SAMD3: variants seen among roughly 807,000 people sequenced by gnomAD.
The protein encoded by SAMD3 is sterile alpha motif domain containing 3, also known as sterile alpha motif domain-containing protein 3.
A neutral mutation model predicts 58.5 loss-of-function variants in SAMD3; 63 were observed. The ratio of observed to expected loss-of-function variants is 1.08; its 90% CI spans 0.88 to 1.33. The LOEUF is 1.33. Among genes scored for constraint, SAMD3 ranks in the 40% most tolerant of loss-of-function variants. The pLI, the probability that SAMD3 is intolerant of heterozygous loss-of-function variation, is 0.00. For missense variants in SAMD3, 604 were observed against 608.4 expected, an observed-to-expected ratio of 0.99 and a Z score of 0.08; for synonymous variants, 220 against 210.3, an observed-to-expected ratio of 1.05 and a Z score of -0.40.
rs372153174 is a variant in SAMD3, at chr6:130,314,015, C to T, written c.-303-922G>A. On this transcript the variant is annotated intron_variant, in intron 1 of 13. Transcript: ENST00000368134. ...TTTTAAGCATTTATTTTCATTTTGG[C>T]GTGTTACAGAGGAGCAATAGTAAAC... Among the ~76,000 whole-genome samples the T allele has an allele frequency of 1.6e-4, 24 of 152,120 alleles. No individual in the cohort carries two copies. In the East Asian group the frequency reaches 4.4e-3, roughly 28 times the overall value.
intron 2 of SAMD3, among the ~76,000 whole-genome samples, chr6:130,302,121 C>A (rs1775766707): frequency 1.3e-5 from 2 of 151,944 alleles, no homozygotes; most frequent in Non-Finnish European, 2.9e-5. Flanking sequence ...GCACAGCAAA[C>A]AATAAACAAA....
At position 130,186,446 on chromosome 6, in the gene SAMD3, G is replaced by A. The variant is rs760026292; in HGVS notation, c.384-1823C>T. ...TGGCGGTCCCTACTATATCAGTGGC[G>A]AAATTATGTCCTGGCTAAAATAAGC... On this transcript the variant is annotated intron_variant, in intron 5 of 11. Coordinates refer to ENST00000439090, the MANE Select transcript of SAMD3 (RefSeq NM_001017373.4). Among the ~76,000 whole-genome samples, 8 of 152,090 alleles carry A rather than the reference G, an allele frequency of 5.3e-5. 1 individual carries two copies. The highest frequency in any genetic ancestry group is 6.8e-3 in the Middle Eastern group (2 of 294).
At chr6:130,288,838 A>G (rs1775264406) in intron 2 of SAMD3, among the ~76,000 whole-genome samples, 1 of 152,226 alleles carries the variant, frequency 6.6e-6, no homozygotes, top group Non-Finnish European at 1.5e-5. Context: ...TTACAGTCTT[A>G]TGAGGGGTGT....
chr6:130,158,067 AATGG>A (rs1789952855), intron 8 of SAMD3, among the ~76,000 whole-genome samples: 1 of 152,204 alleles, frequency 6.6e-6, no homozygotes, highest in East Asian at 1.9e-4. Flanking sequence ...GACTTAAATA[AATGG>A]ATAGCCTATT....
chr6:130,209,907 G>A (rs536138387), intron 4 of SAMD3, among the ~76,000 whole-genome samples: 5 of 152,282 alleles, frequency 3.3e-5, no homozygotes, highest in African/African-American at 7.2e-5. Flanking sequence ...GATGGTGATC[G>A]TAGAATGTAT....
rs909085479 is a variant in SAMD3, at chr6:130,184,656, C to A, written c.384-33G>T. ...ATAAAAACACACAAAGAATGAAATTCTATTCCAAATATATGCAGTTTATTA... is the reference window on the plus strand; with the variant it reads ...ATAAAAACACACAAAGAATGAAATTATATTCCAAATATATGCAGTTTATTA... On this transcript the variant is annotated intron_variant, in intron 5 of 11. Transcript: ENST00000439090. 7.0e-6 allele frequency: 11 copies of A among 1,560,522 alleles called. No individual in the cohort carries two copies. The African/African-American group carries it at 8.1e-5, about 12-fold the overall frequency.
intron 2 of SAMD3, among the ~76,000 whole-genome samples, chr6:130,241,029 G>A (rs76623261): frequency 4.4e-4 from 67 of 151,992 alleles, no homozygotes; most frequent in African/African-American, 1.5e-3. Flanking sequence ...CCTCTTTGGC[G>A]AACTGTCAGT....
At chr6:130,177,510 C>T (rs996572535) in intron 7 of SAMD3, among the ~76,000 whole-genome samples, 4 of 152,106 alleles carry the variant, frequency 2.6e-5, no homozygotes, top group African/African-American at 9.7e-5. Flanking sequence ...CCCTCTGTTC[C>T]CACACCTAGA....
chr6:130,314,767 G>A (rs1423434093), intron 1 of SAMD3, among the ~76,000 whole-genome samples: 1 of 152,212 alleles, frequency 6.6e-6, no homozygotes, highest in Non-Finnish European at 1.5e-5. Flanking sequence ...TAGGGGAATT[G>A]TGAAAAACAT....
intron 2 of SAMD3, among the ~76,000 whole-genome samples, chr6:130,301,047 C>G (rs1376733372): frequency 6.6e-6 from 1 of 152,094 alleles, no homozygotes; most frequent in Non-Finnish European, 1.5e-5. Flanking sequence ...TCAACTCCCA[C>G]CTATGAGTGA....
At chr6:130,312,531 G>A (rs1776211192) in intron 2 of SAMD3, among the ~76,000 whole-genome samples, 1 of 152,208 alleles carries the variant, frequency 6.6e-6, no homozygotes, top group South Asian at 2.1e-4. Flanking sequence ...GTAGGAGACA[G>A]TGAAGTAATT....
At chr6:130,157,670 A>T (rs1789914084) in intron 8 of SAMD3, among the ~76,000 whole-genome samples, 1 of 152,190 alleles carries the variant, frequency 6.6e-6, no homozygotes, top group African/African-American at 2.4e-5. Context: ...TAATCTTTAA[A>T]ATCAGAAGCA....
At chr6:130,313,697 A>G (rs1212054505) in intron 1 of SAMD3, among the ~76,000 whole-genome samples, 2 of 152,246 alleles carry the variant, frequency 1.3e-5, no homozygotes, top group East Asian at 3.9e-4. Flanking sequence ...GTTCCTGGAG[A>G]GGGGATCTGG....
chr6:130,265,735 T>G (rs1294084905), intron 2 of SAMD3, among the ~76,000 whole-genome samples: 3 of 151,454 alleles, frequency 2.0e-5, no homozygotes, highest in Non-Finnish European at 2.9e-5. Context: ...TGGTGGGGGC[T>G]CATAAACGAT....
chr6:130,237,377 A>G (rs1036915714), intron 2 of SAMD3, among the ~76,000 whole-genome samples: 5 of 152,122 alleles, frequency 3.3e-5, no homozygotes, highest in African/African-American at 9.7e-5. Context: ...GCTAGTTCTC[A>G]TATCTCATCT....
intron 9 of SAMD3, among the ~76,000 whole-genome samples, chr6:130,147,460 G>A (rs896572616): frequency 6.6e-6 from 1 of 152,182 alleles, no homozygotes; most frequent in African/African-American, 2.4e-5. Flanking sequence ...CCACTGTTCT[G>A]GGCTCATAGC....
intron 2 of SAMD3, among the ~76,000 whole-genome samples, chr6:130,249,042 C>T (rs964881919): frequency 3.3e-5 from 5 of 152,138 alleles, no homozygotes. Flanking sequence ...GAAATCCACC[C>T]TTCCAGAACA....
chr6:130,212,709 T>C (rs1203054074), intron 4 of SAMD3, among the ~76,000 whole-genome samples: 2 of 152,210 alleles, frequency 1.3e-5, no homozygotes, highest in Non-Finnish European at 2.9e-5. Flanking sequence ...CTTGAGAACA[T>C]TATAAACTGA....
rs551421214 is a variant in SAMD3, at chr6:130,156,328, A to G, written c.823-1303T>C. 2.3e-4 allele frequency among the ~76,000 whole-genome samples: 35 copies of G among 152,278 alleles called. 1 individual carries two copies. Among genetic ancestry groups the G allele is most frequent in the South Asian group, 2.1e-4 (1 of 4,814 alleles). Reference sequence around the variant, plus strand: ...GAGACAGAGCAAGACTGTCTCAAAAAAAAAGAAAAGAAAAAAAAGGAATAC... The same window carrying G: ...GAGACAGAGCAAGACTGTCTCAAAAGAAAAGAAAAGAAAAAAAAGGAATAC... On this transcript the variant is annotated intron_variant, in intron 8 of 11. Coordinates refer to ENST00000439090, the MANE Select transcript of SAMD3 (RefSeq NM_001017373.4).
Sources: allele counts gnomAD v4.1 joint callset (sites outside exome capture counted in the v4.1 genomes callset), GRCh38; gene constraint gnomAD v4.1.1; transcripts MANE v1.5; gene names NCBI Gene and HGNC (gene_info 2026-07-23, HGNC 2026-07-21).